Variants in ZHX3 observed in about 807,000 individuals in gnomAD.
ZHX3 encodes zinc fingers and homeoboxes protein 3.
Under a neutral mutation model 64.5 loss-of-function variants are expected in ZHX3, and 20 were observed. The ratio of observed to expected loss-of-function variants is 0.31; its 90% CI spans 0.22 to 0.45. The LOEUF is 0.45. Among genes scored for constraint, ZHX3 ranks in the 20% least tolerant of loss-of-function variants. ZHX3 has a pLI of 1.00. For missense variants in ZHX3, 1,041 were observed against 1,195.8 expected (o/e 0.87, Z 1.91); for synonymous variants, 423 against 461.6 (o/e 0.92, Z 1.07).
chr20:41,314,580 T>C (rs145355020), intron 1 of ZHX3, among the ~76,000 whole-genome samples: 1 of 152,308 alleles, frequency 6.6e-6, no homozygotes, highest in East Asian at 1.9e-4. Context: ...TTCAAAAATA[T>C]CCAGTGTGAC....
At chr20:41,222,481 T>A (rs1365623170) in intron 2 of ZHX3, among the ~76,000 whole-genome samples, 3 of 152,132 alleles carry the variant, frequency 2.0e-5, no homozygotes, top group African/African-American at 7.2e-5. Flanking sequence ...AGACTGCTAA[T>A]GAGCAAAGAG....
intron 1 of ZHX3, chr20:41,299,978 T>G (rs1023241024): frequency 6.6e-6 from 1 of 152,006 alleles, no homozygotes; most frequent in Admixed American, 6.6e-5. Flanking sequence ...AAGCATATAG[T>G]GCAGTCTCCA....
chr20:41,234,281 T>C (rs1274919471), intron 2 of ZHX3, among the ~76,000 whole-genome samples: 1 of 152,198 alleles, frequency 6.6e-6, no homozygotes, highest in Non-Finnish European at 1.5e-5. Flanking sequence ...TCAGCACATA[T>C]GAAGCACAAG....
At chr20:41,276,142 T>A (rs1053229003) in intron 1 of ZHX3, among the ~76,000 whole-genome samples, 2 of 152,276 alleles carry the variant, frequency 1.3e-5, no homozygotes, top group Admixed American at 6.5e-5. Flanking sequence ...TTCCTGTTCT[T>A]AGGGAGTATG....
At chr20:41,274,352 T>C (rs923925022) in intron 1 of ZHX3, among the ~76,000 whole-genome samples, 9 of 152,226 alleles carry the variant, frequency 5.9e-5, no homozygotes, top group African/African-American at 1.9e-4. Flanking sequence ...CTCTTTTTCA[T>C]GTAGTTCAAA....
chr20:41,236,750 C>T (rs538695596), intron 2 of ZHX3, among the ~76,000 whole-genome samples: 6 of 152,260 alleles, frequency 3.9e-5, no homozygotes, highest in African/African-American at 1.4e-4. Flanking sequence ...GCAATGGCAA[C>T]AAAAGCCAAA....
chr20:41,254,822 C>T lies in ZHX3; in HGVS notation c.-151+14168G>A, dbSNP rs184985364. Among the ~76,000 whole-genome samples, 31 of 152,262 alleles carry T rather than the reference C, an allele frequency of 2.0e-4. No homozygotes were observed. The East Asian group carries it at 5.8e-3, about 28-fold the overall frequency. ...AGGACATAATGATGAATGCCTAAGT[C>T]CCTGACCCCTCAAGGAGTTGATAAC... On this transcript the variant is annotated intron_variant, in intron 2 of 3. Transcript: ENST00000683867.
intron 2 of ZHX3, among the ~76,000 whole-genome samples, chr20:41,254,843 A>G (rs1397152936): frequency 6.6e-6 from 1 of 152,188 alleles, no homozygotes; most frequent in Non-Finnish European, 1.5e-5. Context: ...CAAGGAGTTG[A>G]TAACGCAGGA....
chr20:41,302,352 G>A (rs1568963965), intron 1 of ZHX3, among the ~76,000 whole-genome samples: 1 of 152,172 alleles, frequency 6.6e-6, no homozygotes, highest in African/African-American at 2.4e-5. Context: ...TCACCACAAA[G>A]GTGTACTAAC....
At chr20:41,213,423 C>T (rs1340075949) in intron 2 of ZHX3, among the ~76,000 whole-genome samples, 1 of 152,196 alleles carries the variant, frequency 6.6e-6, no homozygotes, top group African/African-American at 2.4e-5. Context: ...CAGTTCTGTG[C>T]TACTTCCTGA....
rs762323942 is a variant in ZHX3 at position 41,204,659 on chromosome 20, G to C, written c.258C>G (p.Ser86=). ...LYSCKYCDFR[S]HDMTQFVGHM... is the part of the protein sequence containing the mutation. The stretch of plus-strand genomic sequence containing the variant: ...GTCCCACAAATTGGGTCATGTCATG[G>C]GATCTGAAATCGCAGTATTTACAGG... The change falls in exon 3 of 4, where the codon TCC becomes TCG. Residue 86 remains serine (S), a synonymous_variant. Coordinates refer to ENST00000683867, the MANE Select transcript of ZHX3 (RefSeq NM_001384317.1). This position sits in a 1 kb window ranked among gnomAD's most constrained non-coding sequence, Gnocchi z 6.6. 6.2e-7 allele frequency: 1 copy of C among 1,614,230 alleles called. No individual in the cohort carries two copies. Among genetic ancestry groups the C allele is most frequent in the Non-Finnish European group, 8.5e-7 (1 of 1,180,044 alleles).
At chr20:41,311,283 G>T (rs1485333893) in intron 1 of ZHX3, among the ~76,000 whole-genome samples, 1 of 151,732 alleles carries the variant, frequency 6.6e-6, no homozygotes, top group Non-Finnish European at 1.5e-5. Flanking sequence ...ATAGTTTTTT[G>T]TGTATAATTC....
intron 3 of ZHX3, among the ~76,000 whole-genome samples, chr20:41,191,042 A>G (rs931133452): frequency 3.9e-5 from 6 of 152,226 alleles, no homozygotes; most frequent in Non-Finnish European, 8.8e-5. Context: ...AGAGGCTATC[A>G]GGGCCTCCTA....
At chr20:41,272,159 GA>G (rs1327450131) in intron 1 of ZHX3, 1 of 152,084 alleles carries the variant, frequency 6.6e-6, no homozygotes, top group Non-Finnish European at 1.5e-5. Context: ...AAATAAAAAT[GA>G]AAAAGTAAAA....
intron 3 of ZHX3, among the ~76,000 whole-genome samples, chr20:41,190,239 A>G (rs1313514522): frequency 6.6e-6 from 1 of 152,160 alleles, no homozygotes; most frequent in African/African-American, 2.4e-5. Flanking sequence ...CAGGGGTGCA[A>G]TCTCGGCTCA....
At chr20:41,273,717 A>AT (rs1246536943) in intron 1 of ZHX3, among the ~76,000 whole-genome samples, 4 of 152,150 alleles carry the variant, frequency 2.6e-5, no homozygotes, top group African/African-American at 9.7e-5. Context: ...GTCTATTCTT[A>AT]TGCTTATACC....
At chr20:41,221,028 A>G (rs1250028890) in intron 2 of ZHX3, among the ~76,000 whole-genome samples, 2 of 152,080 alleles carry the variant, frequency 1.3e-5, no homozygotes, top group African/African-American at 4.8e-5. Context: ...TTTTGGAAAA[A>G]AAGAATCATG....
intron 2 of ZHX3, among the ~76,000 whole-genome samples, chr20:41,245,674 T>C (rs1411534467): frequency 6.6e-6 from 1 of 152,232 alleles, no homozygotes; most frequent in Non-Finnish European, 1.5e-5. Context: ...GTGCTATATA[T>C]AATTCCAACT....
intron 2 of ZHX3, among the ~76,000 whole-genome samples, chr20:41,206,257 C>G (rs1460401889): frequency 6.6e-6 from 1 of 152,176 alleles, no homozygotes; most frequent in Non-Finnish European, 1.5e-5. Context: ...TCCAAAGGAA[C>G]GCAGCTCCTC....
Sources: allele counts gnomAD v4.1 joint callset (sites outside exome capture counted in the v4.1 genomes callset), GRCh38; gene constraint gnomAD v4.1.1; non-coding constraint Gnocchi (gnomAD v3.1); transcripts MANE v1.5; gene names NCBI Gene and HGNC (gene_info 2026-07-23, HGNC 2026-07-21).